Variants in SHANK2 observed in about 807,000 individuals in gnomAD.
The protein encoded by SHANK2 is SH3 and multiple ankyrin repeat domains 2.
In SHANK2, 43 loss-of-function variants were observed where a neutral mutation model predicts 133.7. That is an observed-to-expected ratio of 0.32 (90% CI 0.25 to 0.41). The LOEUF is 0.41. SHANK2 is among the 10% of genes least tolerant of loss of function. The pLI, the probability that SHANK2 is intolerant of heterozygous loss-of-function variation, is 1.00. For synonymous variants in SHANK2, 1,017 were observed against 952.8 expected (o/e 1.07, Z -1.24); for missense variants, 1,994 against 2,235.8 (o/e 0.89, Z 2.18).
intron 12 of SHANK2, among the ~76,000 whole-genome samples, chr11:70,818,531 CTT>C (rs1260681661): frequency 2.6e-5 from 4 of 152,174 alleles, no homozygotes; most frequent in Non-Finnish European, 5.9e-5. Flanking sequence ...GGGACACACT[CTT>C]TTTAAAACTG....
At chr11:70,708,471 CCCA>C (rs2134563353) in intron 14 of SHANK2, among the ~76,000 whole-genome samples, 1 of 152,296 alleles carries the variant, frequency 6.6e-6, no homozygotes, top group East Asian at 1.9e-4. Flanking sequence ...CCCGCACTCC[CCCA>C]CCACGAGAGC....
At chr11:71,160,109 G>A (rs1462428378) in intron 2 of SHANK2, among the ~76,000 whole-genome samples, 1 of 152,170 alleles carries the variant, frequency 6.6e-6, no homozygotes, top group Non-Finnish European at 1.5e-5. Flanking sequence ...CATCGCAGGG[G>A]ACACCTGAAG....
At chr11:70,693,424 G>A (rs1011537785) in intron 15 of SHANK2, among the ~76,000 whole-genome samples, 1 of 152,024 alleles carries the variant, frequency 6.6e-6, no homozygotes, top group Admixed American at 6.5e-5. Flanking sequence ...ACCTTCTCTT[G>A]AGGGGTGATT....
intron 17 of SHANK2, among the ~76,000 whole-genome samples, chr11:70,509,977 T>C (rs1270221731): frequency 1.3e-5 from 2 of 152,194 alleles, no homozygotes; most frequent in East Asian, 1.9e-4. Context: ...TGACAAACCA[T>C]AGCTGTGCTT....
rs1198447969 is a variant in SHANK2 at position 70,785,951 on chromosome 11, C to T, written c.1777+12492G>A. Among the ~76,000 whole-genome samples, 7 of 152,096 alleles carry T rather than the reference C, an allele frequency of 4.6e-5. No homozygotes were observed. The East Asian group carries it at 9.6e-4, about 21-fold the overall frequency. On this transcript the variant is annotated intron_variant, in intron 14 of 25. Coordinates refer to ENST00000601538, the MANE Select transcript of SHANK2 (RefSeq NM_012309.5). Reference sequence around the variant, plus strand: ...GGTTCCACTATCAGCTGAGGGTGGTCGCCTGGGACCACTGATGGGCTGGTG... The same window carrying T: ...GGTTCCACTATCAGCTGAGGGTGGTTGCCTGGGACCACTGATGGGCTGGTG...
At chr11:70,800,390 G>T (rs1033388824) in intron 13 of SHANK2, among the ~76,000 whole-genome samples, 2 of 152,180 alleles carry the variant, frequency 1.3e-5, no homozygotes, top group Non-Finnish European at 2.9e-5. Context: ...CCCTCCTAAT[G>T]TGTCTAAGCA....
At chr11:70,834,492 G>A (rs61885481) in intron 11 of SHANK2, among the ~76,000 whole-genome samples, 3 of 152,228 alleles carry the variant, frequency 2.0e-5, no homozygotes, top group Non-Finnish European at 2.9e-5. Flanking sequence ...CGGGGGCCAA[G>A]CCAGGAGCAG....
At chr11:70,557,049 C>T (rs1309604450) in intron 17 of SHANK2, among the ~76,000 whole-genome samples, 2 of 152,126 alleles carry the variant, frequency 1.3e-5, no homozygotes, top group African/African-American at 2.4e-5. Context: ...TTTACAAAGC[C>T]AGGGCCATAA....
At chr11:70,955,608 T>C (rs1208092130) in intron 10 of SHANK2, among the ~76,000 whole-genome samples, 1 of 152,162 alleles carries the variant, frequency 6.6e-6, no homozygotes, top group African/African-American at 2.4e-5. Flanking sequence ...TAAATGATTG[T>C]GGAGGCTGAC....
chr11:70,656,478 G>T (rs2061407242), intron 17 of SHANK2, among the ~76,000 whole-genome samples: 1 of 152,118 alleles, frequency 6.6e-6, no homozygotes, highest in East Asian at 1.9e-4. Context: ...CTCCGCAGGG[G>T]CATTCAACTT....
chr11:70,490,200 C>T (rs782501936), intron 23 of SHANK2, 76 bp downstream of exon 23: 69 of 1,285,936 alleles, frequency 5.4e-5, no homozygotes, highest in South Asian at 4.7e-4. Flanking sequence ...GCCCAGGGCT[C>T]AGAATTCCTG....
chr11:70,887,694 A>G (rs1293046611), intron 11 of SHANK2, among the ~76,000 whole-genome samples: 1 of 152,166 alleles, frequency 6.6e-6, no homozygotes, highest in Non-Finnish European at 1.5e-5. Flanking sequence ...AGACTTTTTA[A>G]AGGAAAACAT....
Position 71,118,997 on chromosome 11 carries a change from C to T in SHANK2, c.243G>A (p.Trp81Ter), listed in dbSNP as rs1164911385. 6.4e-7 allele frequency: 1 copy of T among 1,551,632 alleles called. No individual in the cohort carries two copies. Among genetic ancestry groups the T allele is most frequent in the Non-Finnish European group, 8.7e-7 (1 of 1,147,008 alleles). The change falls in exon 4 of 26, where the codon TGG (tryptophan) becomes TGA (stop). Residue 81 changes from tryptophan to a stop codon, truncating the protein, a stop_gained. Transcript: ENST00000601538. LOFTEE classifies it high-confidence loss of function. ...TACACAGGATCCGCTGCTTTGCAACCCACACTGTGGCATCCGGGTTAAATC... is the reference window on the plus strand; with the variant it reads ...TACACAGGATCCGCTGCTTTGCAACTCACACTGTGGCATCCGGGTTAAATC... ...CIRFNPDATV[W>*]VAKQRILCTL...
At chr11:70,876,243 G>GACACACACACAC (rs3064243) in intron 11 of SHANK2, among the ~76,000 whole-genome samples, 1,452 of 134,894 alleles carry the variant, frequency 0.011, 30 homozygotes, top group Admixed American at 0.02. Flanking sequence ...CACACATATA[G>GACACACACACAC]ACACACACAC....
chr11:70,630,934 T>C (rs2060976431), intron 17 of SHANK2, among the ~76,000 whole-genome samples: 1 of 152,112 alleles, frequency 6.6e-6, no homozygotes, highest in Admixed American at 6.6e-5. Context: ...CATCCTGTGG[T>C]CCCTCCCTCC....
At chr11:70,598,630 A>T (rs183057958) in intron 17 of SHANK2, among the ~76,000 whole-genome samples, 11 of 152,350 alleles carry the variant, frequency 7.2e-5, no homozygotes, top group African/African-American at 2.6e-4. Context: ...AAAATTACAG[A>T]CAAATCTCAC....
rs2058555539 is a variant in SHANK2, at chr11:70,468,036, T to G, written c.*4833A>C. The G allele has an allele frequency of 6.6e-6, 1 of 152,648 alleles. No homozygotes were observed. Among genetic ancestry groups the G allele is most frequent in the Non-Finnish European group, 1.5e-5 (1 of 68,054 alleles). 9.5% of individuals were successfully genotyped at this position (152,648 alleles called of 1,614,324 possible). A position where few individuals can be genotyped will look rare whatever the true frequency, so the allele number is the denominator to read the frequency against. ...AAAACAAGGCACTATAACTATTTTA[T>G]CAGCTACATTAATACATTGAAGATA... On this transcript the variant is annotated 3_prime_UTR_variant, in exon 26 of 26. Transcript: ENST00000601538.
chr11:70,642,714 G>T (rs908485526), intron 17 of SHANK2, among the ~76,000 whole-genome samples: 3 of 152,160 alleles, frequency 2.0e-5, no homozygotes, highest in Non-Finnish European at 2.9e-5. Context: ...TTTATATCTG[G>T]CTCAGGAGTT....
At chr11:70,933,406 C>A (rs1950528145) in intron 10 of SHANK2, 1 of 433,902 alleles carries the variant, frequency 2.3e-6, no homozygotes, top group Admixed American at 2.5e-5. Flanking sequence ...GACAGAGTTT[C>A]AGTTTGGGAA....
Sources: allele counts gnomAD v4.1 joint callset (sites outside exome capture counted in the v4.1 genomes callset), GRCh38; gene constraint gnomAD v4.1.1; transcripts MANE v1.5; gene names NCBI Gene and HGNC (gene_info 2026-07-23, HGNC 2026-07-21).